The following TMEM217B variants were observed in gnomAD, a reference collection of about 807,000 sequenced individuals.
TMEM217B encodes transmembrane protein 217B.
chr6:37,257,895 A>G, the TMEM217B span: 3 of 1,612,724 alleles, frequency 1.9e-6, no homozygotes, highest in Non-Finnish European at 2.5e-6. Flanking sequence ...GCCCGCCTAC[A>G]AGGACTTCCC....
the TMEM217B span, among the ~76,000 whole-genome samples, chr6:37,215,994 G>GGTGT: frequency 0.037 from 5,487 of 149,088 alleles, 155 homozygotes; most frequent in Non-Finnish European, 0.058. Context: ...GGTTCTTCAG[G>GGTGT]GTGTGTGTGT....
chr6:37,220,237 A>T, the TMEM217B span, among the ~76,000 whole-genome samples: 3 of 152,208 alleles, frequency 2.0e-5, no homozygotes, highest in African/African-American at 7.2e-5. Context: ...TAAAGTATAG[A>T]AGTGCTCCCC....
chr6:37,219,138 A>G, the TMEM217B span: 1 of 1,099,898 alleles, frequency 9.1e-7, no homozygotes, highest in Non-Finnish European at 1.3e-6. Flanking sequence ...CTTTGGAGAA[A>G]TATAGACAGA....
the TMEM217B span, among the ~76,000 whole-genome samples, chr6:37,246,902 C>CAA: frequency 7.0e-6 from 1 of 142,004 alleles, no homozygotes; most frequent in Non-Finnish European, 1.5e-5. Context: ...GACTCTGTCT[C>CAA]AAAAAAAAAA....
At chr6:37,254,476 G>A in the TMEM217B span, among the ~76,000 whole-genome samples, 1 of 152,290 alleles carries the variant, frequency 6.6e-6, no homozygotes, top group East Asian at 1.9e-4. Flanking sequence ...TTCCTTTGAA[G>A]CTGCAAAAGA....
the TMEM217B span, among the ~76,000 whole-genome samples, chr6:37,237,066 A>T: frequency 1.3e-5 from 2 of 152,194 alleles, no homozygotes; most frequent in Non-Finnish European, 2.9e-5. Flanking sequence ...TTCTTATTCT[A>T]GCCTCAGAAG....
chr6:37,228,821 C>A, the TMEM217B span, among the ~76,000 whole-genome samples: 1 of 151,576 alleles, frequency 6.6e-6, no homozygotes, highest in Non-Finnish European at 1.5e-5. Context: ...CACGGTGAAA[C>A]CCCGTCTCTA....
the TMEM217B span, among the ~76,000 whole-genome samples, chr6:37,248,282 G>C: frequency 1.3e-5 from 2 of 152,094 alleles, no homozygotes; most frequent in South Asian, 4.1e-4. Flanking sequence ...GCTTAATATA[G>C]TTTAGTGCCA....
chr6:37,215,398 A>G, the TMEM217B span: 13 of 1,252,040 alleles, frequency 1.0e-5, no homozygotes, highest in Non-Finnish European at 1.3e-5. Context: ...AACATGGTGA[A>G]ACCCCATCTC....
At chr6:37,227,877 T>C in the TMEM217B span, among the ~76,000 whole-genome samples, 7 of 151,974 alleles carry the variant, frequency 4.6e-5, no homozygotes, top group Non-Finnish European at 8.8e-5. Flanking sequence ...GTATATATCT[T>C]GAGATATATA....
the TMEM217B span, among the ~76,000 whole-genome samples, chr6:37,239,118 ACT>A: frequency 6.6e-6 from 1 of 151,852 alleles, no homozygotes; most frequent in Non-Finnish European, 1.5e-5. Context: ...GGTGACACAG[ACT>A]CTGTCTCCAA....
chr6:37,250,388 G>A, the TMEM217B span, among the ~76,000 whole-genome samples: 100,180 of 152,056 alleles, frequency 0.66, 33,155 homozygotes, highest in East Asian at 0.85. Context: ...GTGCATATTA[G>A]TTTTATACAT....
the TMEM217B span, chr6:37,217,632 A>C: frequency 1.0e-6 from 1 of 985,312 alleles, no homozygotes; most frequent in Non-Finnish European, 1.2e-6. Flanking sequence ...TCGAGACATA[A>C]ATTGAAGGAT....
chr6:37,249,447 G>A, the TMEM217B span, among the ~76,000 whole-genome samples: 4,844 of 152,168 alleles, frequency 0.032, 242 homozygotes, highest in African/African-American at 0.11. Context: ...AGCCTCCCAA[G>A]TAGCTGGGAC....
the TMEM217B span, chr6:37,218,628 G>A: frequency 1.9e-6 from 3 of 1,614,152 alleles, no homozygotes; most frequent in African/African-American, 1.3e-5. Flanking sequence ...ATGACTGTAC[G>A]AGACACCAAG....
the TMEM217B span, chr6:37,257,848 T>C: frequency 6.5e-7 from 1 of 1,549,362 alleles, no homozygotes; most frequent in Non-Finnish European, 8.8e-7. Flanking sequence ...GCCCTCAGAT[T>C]GCGGGGTCTG....
the TMEM217B span, among the ~76,000 whole-genome samples, chr6:37,221,115 C>T: frequency 6.6e-6 from 1 of 152,136 alleles, no homozygotes; most frequent in Non-Finnish European, 1.5e-5. Flanking sequence ...CCCCCTGCCC[C>T]AGCTCCTGGA....
chr6:37,217,957 C>T, the TMEM217B span: 4 of 987,530 alleles, frequency 4.1e-6, no homozygotes, highest in Non-Finnish European at 4.8e-6. Context: ...TAAATACCCT[C>T]AATGAGCAGG....
the TMEM217B span, among the ~76,000 whole-genome samples, chr6:37,213,556 T>A: frequency 6.6e-6 from 1 of 152,246 alleles, no homozygotes; most frequent in Non-Finnish European, 1.5e-5. Flanking sequence ...TAAAGGTTTA[T>A]GGATCCAGGC....
Sources: allele counts gnomAD v4.1 joint callset (sites outside exome capture counted in the v4.1 genomes callset), GRCh38; gene constraint gnomAD v4.1.1; transcripts MANE v1.5; gene names NCBI Gene and HGNC (gene_info 2026-07-23, HGNC 2026-07-21).